HELZ: variants seen among roughly 807,000 people sequenced by gnomAD.
The protein encoded by HELZ is ATP-dependent RNA helicase with zinc finger domain.
A neutral mutation model predicts 218.2 loss-of-function variants in HELZ; 23 were observed. That is an observed-to-expected ratio of 0.11 (90% confidence interval 0.08 to 0.15). HELZ has a LOEUF of 0.15. Among genes scored for constraint, HELZ ranks in the 10% least tolerant of loss-of-function variants. The pLI is 1.00. For missense variants in HELZ, 1,813 were observed against 2,353.7 expected, an observed-to-expected ratio of 0.77 and a Z score of 4.75; for synonymous variants, 814 against 829.4, an observed-to-expected ratio of 0.98 and a Z score of 0.32.
upstream of HELZ, chr17:67,245,564 T>C: frequency 1.0e-6 from 1 of 973,706 alleles, no homozygotes; most frequent in Non-Finnish European, 1.2e-6. Flanking sequence ...GCTCGCGGAT[T>C]TATTTGTGCG....
At position 67,167,751 on chromosome 17, in the gene HELZ, G is replaced by A. The variant is rs1256983891; in HGVS notation, c.1476C>T (p.Leu492=). ...VQLQILASFM[L]TGVSGGAKYA... is the part of the protein sequence containing the mutation. ...ACTTTGCACCTCCAGAAACACCAGT[G>A]AGCATGAAGCTTGCCAGAATCTGCA... Residue 492 remains leucine (L), a synonymous_variant, in exon 14 of 33, where the codon CTC becomes CTT. Coordinates refer to ENST00000358691, the MANE Select transcript of HELZ (RefSeq NM_014877.4). The A allele has an allele frequency of 1.2e-6, 2 of 1,613,808 alleles. No individual in the cohort carries two copies. Among genetic ancestry groups the A allele is most frequent in the South Asian group, 1.1e-5 (1 of 91,016 alleles).
chr17:67,210,914 C>CA lies in HELZ; in HGVS notation c.247+4984dup, dbSNP rs891337454. On this transcript the variant is annotated intron_variant, in intron 5 of 32. Coordinates refer to ENST00000358691, the MANE Select transcript of HELZ (RefSeq NM_014877.4). ...TCTAGCCCAGCAACAGAACAAGACT[C>CA]AAAAAAAAAAGTAAGTTTCCTATAT... Among the ~76,000 whole-genome samples the CA allele has an allele frequency of 4.9e-3, 727 of 147,044 alleles. 6 individuals are homozygous for CA. Among genetic ancestry groups the CA allele is most frequent in the African/African-American group, 0.017 (677 of 40,082 alleles).
At chr17:67,116,619 C>T (rs144104102) in intron 27 of HELZ, among the ~76,000 whole-genome samples, 20 of 152,088 alleles carry the variant, frequency 1.3e-4, no homozygotes, top group South Asian at 1.2e-3. Flanking sequence ...CATTCCATAA[C>T]GATAAACGAG....
At position 67,087,052 on chromosome 17, in the gene HELZ, C is replaced by G; in HGVS notation, c.5271G>C (p.Leu1757Phe). The change falls in exon 32 of 33, where the codon TTG becomes TTC. Residue 1757 changes from leucine to phenylalanine, a missense_variant. Physicochemically the swap from Leu to Phe is conservative, Grantham distance 22. Coordinates refer to ENST00000358691, the MANE Select transcript of HELZ (RefSeq NM_014877.4). The part of the protein sequence containing the change: ...EYEPRGPGRP[L>F]YQRRISSSSV... Reference sequence around the variant, plus strand: ...AGCTAGATGAGATTCTTCTTTGGTACAAGGGCCGACCAGGTCCTCTGGGCT... The same window carrying G: ...AGCTAGATGAGATTCTTCTTTGGTAGAAGGGCCGACCAGGTCCTCTGGGCT... 1 of 1,614,024 alleles carries G rather than the reference C, an allele frequency of 6.2e-7. No homozygotes were observed. The highest frequency in any genetic ancestry group is 8.5e-7 in the Non-Finnish European group (1 of 1,179,954).
chr17:67,164,097 T>C (rs1002626406), intron 15 of HELZ, among the ~76,000 whole-genome samples: 6 of 152,296 alleles, frequency 3.9e-5, no homozygotes, highest in African/African-American at 1.4e-4. Flanking sequence ...TGAACTTAAA[T>C]GTGCCGAATA....
intron 14 of HELZ, 124 bp downstream of exon 14, chr17:67,167,339 A>C: frequency 1.5e-6 from 1 of 677,010 alleles, no homozygotes. Flanking sequence ...TCAACCCACC[A>C]CTGTAGACTT....
chr17:67,121,832 T>C (rs978677268), intron 26 of HELZ, among the ~76,000 whole-genome samples: 2 of 152,240 alleles, frequency 1.3e-5, no homozygotes, highest in African/African-American at 4.8e-5. Flanking sequence ...TCACAAGATG[T>C]GGAATTTCTC....
At chr17:67,125,664 T>C (rs937258537) in intron 24 of HELZ, among the ~76,000 whole-genome samples, 3 of 152,082 alleles carry the variant, frequency 2.0e-5, no homozygotes, top group Admixed American at 1.3e-4. Flanking sequence ...GCAGGCAGAA[T>C]AGCCCCTGCA....
chr17:67,190,797 G>GC (rs1203872923), intron 9 of HELZ, among the ~76,000 whole-genome samples: 5 of 152,130 alleles, frequency 3.3e-5, no homozygotes, highest in African/African-American at 1.2e-4. Flanking sequence ...TGCAACCTCT[G>GC]CCTCCTGGTT....
intron 21 of HELZ, among the ~76,000 whole-genome samples, chr17:67,141,070 T>C (rs2038307125): frequency 1.3e-5 from 2 of 152,208 alleles, no homozygotes; most frequent in East Asian, 3.9e-4. Flanking sequence ...TTATAAGAAA[T>C]ACTAAAGGAA....
At chr17:67,094,333 A>AAAGAGAGAGAGAGAGAGAGAG (rs528061407) in intron 31 of HELZ, among the ~76,000 whole-genome samples, 1 of 146,564 alleles carries the variant, frequency 6.8e-6, no homozygotes, top group African/African-American at 2.6e-5. Context: ...AAAAAAAAAA[A>AAAGAGAGAGAGAGAGAGAGAG]AGAGAGAGAG....
chr17:67,245,329 C>G (rs576476721), upstream of HELZ: 2 of 751,448 alleles, frequency 2.7e-6, no homozygotes, highest in East Asian at 2.6e-4. Context: ...CTGCCGACCC[C>G]GGCGCCCGCA....
chr17:67,213,997 GCA>G (rs1567897755), intron 5 of HELZ, among the ~76,000 whole-genome samples: 2 of 152,130 alleles, frequency 1.3e-5, no homozygotes, highest in Non-Finnish European at 2.9e-5. Flanking sequence ...CACTGTAAAG[GCA>G]CAGAAGACCT....
chr17:67,129,840 T>C (rs1048855162), intron 23 of HELZ, among the ~76,000 whole-genome samples: 1 of 152,086 alleles, frequency 6.6e-6, no homozygotes, highest in South Asian at 2.1e-4. Context: ...TTTTTAAATT[T>C]TAAATGACTA....
intron 12 of HELZ, among the ~76,000 whole-genome samples, chr17:67,184,070 A>G (rs7222650): frequency 0.051 from 7,696 of 152,192 alleles, 671 homozygotes; most frequent in African/African-American, 0.18. Flanking sequence ...TGAATTAACT[A>G]AAGTAGGATT....
At chr17:67,089,694 G>GAGAGAGAGAGAC (rs776184027) in intron 31 of HELZ, among the ~76,000 whole-genome samples, 2,276 of 99,794 alleles carry the variant, frequency 0.023, 42 homozygotes, top group East Asian at 0.05. Context: ...GAGAGAGAGA[G>GAGAGAGAGAGAC]AGAGAGACAG....
chr17:67,129,421 T>C (rs1023317935), intron 23 of HELZ, among the ~76,000 whole-genome samples: 4 of 151,964 alleles, frequency 2.6e-5, no homozygotes, highest in East Asian at 1.9e-4. Context: ...GTGTAATCTA[T>C]GTGTGTGTGT....
intron 7 of HELZ, among the ~76,000 whole-genome samples, chr17:67,198,592 C>A (rs2040090463): frequency 6.6e-6 from 1 of 152,184 alleles, no homozygotes; most frequent in African/African-American, 2.4e-5. Flanking sequence ...AATTCAGAAT[C>A]AAATCTATTA....
At chr17:67,151,517 G>C (rs545032155) in intron 17 of HELZ, among the ~76,000 whole-genome samples, 30 of 152,204 alleles carry the variant, frequency 2.0e-4, no homozygotes, top group African/African-American at 7.2e-4. Context: ...GCACATAAAC[G>C]TAAGATTTAT....
Sources: allele counts gnomAD v4.1 joint callset (sites outside exome capture counted in the v4.1 genomes callset), GRCh38; gene constraint gnomAD v4.1.1; transcripts MANE v1.5; gene names NCBI Gene and HGNC (gene_info 2026-07-23, HGNC 2026-07-21).